RAP1GAP2: variants seen among roughly 807,000 people sequenced by gnomAD.
The protein encoded by RAP1GAP2 is rap1 GTPase-activating protein 2.
A neutral mutation model predicts 95.0 loss-of-function variants in RAP1GAP2; 27 were observed. The ratio of observed to expected loss-of-function variants is 0.28; its 90% CI spans 0.21 to 0.39. The LOEUF (loss-of-function observed/expected upper bound fraction) is 0.39. Ranked by LOEUF, RAP1GAP2 falls within the 10% of genes least tolerant of loss-of-function variation. The pLI is 1.00. For missense variants in RAP1GAP2, 771 were observed against 970.0 expected, an observed-to-expected ratio of 0.79 and a Z score of 2.72; for synonymous variants, 373 against 380.9, an observed-to-expected ratio of 0.98 and a Z score of 0.24.
Position 2,761,246 on chromosome 17 carries a change from A to G in RAP1GAP2, c.50+5479A>G, listed in dbSNP as rs560577262. Among the ~76,000 whole-genome samples the G allele has an allele frequency of 8.5e-5, 11 of 129,772 alleles. No individual in the cohort carries two copies. The South Asian group carries it at 2.8e-3, about 33-fold the overall frequency. 85.1% of individuals were successfully genotyped at this position (129,772 alleles called of 152,430 possible). ...CTGGGATTACAGGAGTGAGCCACTG[A>G]GCCTGGCCGGTGGGGTGCCATTTTC... On this transcript the variant is annotated intron_variant, in intron 1 of 25. Coordinates refer to the RAP1GAP2 transcript ENST00000637138.
upstream of RAP1GAP2, among the ~76,000 whole-genome samples, chr17:2,794,828 C>T (rs2069022864): frequency 6.7e-6 from 1 of 150,300 alleles, no homozygotes; most frequent in African/African-American, 2.4e-5. Flanking sequence ...GAGGGTTGGC[C>T]AGAGAGAGAG....
At position 2,903,220 on chromosome 17, in the gene RAP1GAP2, G is replaced by A. The variant is rs1195015605; in HGVS notation, c.81-2064G>A. 2.0e-5 allele frequency among the ~76,000 whole-genome samples: 3 copies of A among 152,166 alleles called. No individual in the cohort carries two copies. Among genetic ancestry groups the A allele is most frequent in the Non-Finnish European group, 2.9e-5 (2 of 68,036 alleles). On this transcript the variant is annotated intron_variant, in intron 2 of 24. Coordinates refer to ENST00000254695, the MANE Select transcript of RAP1GAP2 (RefSeq NM_015085.5). The surrounding 1 kb of genome is among the most constrained non-coding windows in gnomAD (Gnocchi z 4.1). ...CCATGGGCCCGAAGAGGACCTGAGG[G>A]TGATGCCCTCCTGCTTGATCATTCT...
chr17:2,775,951 G>C (rs1425598119), upstream of RAP1GAP2, among the ~76,000 whole-genome samples: 1 of 152,224 alleles, frequency 6.6e-6, no homozygotes, highest in Non-Finnish European at 1.5e-5. Flanking sequence ...GGCCGAGGCG[G>C]GTGGATCACC....
At chr17:2,905,946 T>C (rs1411678768) in intron 3 of RAP1GAP2, among the ~76,000 whole-genome samples, 1 of 152,232 alleles carries the variant, frequency 6.6e-6, no homozygotes, top group Non-Finnish European at 1.5e-5. Flanking sequence ...GAGGGAGCAG[T>C]GCCCTTCTGC....
rs2042757817 is a variant in RAP1GAP2 at position 2,921,222 on chromosome 17, CA to C, written c.165+15855del. 2.6e-5 allele frequency among the ~76,000 whole-genome samples: 4 copies of C among 151,202 alleles called. No individual in the cohort carries two copies. The South Asian group carries it at 8.3e-4, about 32-fold the overall frequency. ...TATCTTTTTTTTTTCTTTTTTGAGA[CA>C]GAGTCTCACTCTGTCACCCAGGCTG... On this transcript the variant is annotated intron_variant, in intron 3 of 24. Coordinates refer to ENST00000254695, the MANE Select transcript of RAP1GAP2 (RefSeq NM_015085.5).
At chr17:3,006,421 C>A (rs962156445) in intron 16 of RAP1GAP2, among the ~76,000 whole-genome samples, 1 of 150,318 alleles carries the variant, frequency 6.7e-6, no homozygotes, top group African/African-American at 2.5e-5. Context: ...TGAGCCACTG[C>A]GCCTGGCCAA....
intron 2 of RAP1GAP2, among the ~76,000 whole-genome samples, chr17:2,891,724 T>A (rs2073722117): frequency 6.6e-6 from 1 of 151,512 alleles, no homozygotes; most frequent in African/African-American, 2.4e-5. Flanking sequence ...TAATTTTCTT[T>A]GAGAATTTTG....
chr17:2,809,825 G>A (rs986761902), intron 2 of RAP1GAP2, among the ~76,000 whole-genome samples: 2 of 152,194 alleles, frequency 1.3e-5, no homozygotes, highest in East Asian at 1.9e-4. Context: ...TCCAGCCACC[G>A]CGGGAGAGGC....
intron 1 of RAP1GAP2, among the ~76,000 whole-genome samples, chr17:2,786,036 G>A (rs1225595071): frequency 6.6e-6 from 1 of 151,936 alleles, no homozygotes; most frequent in Non-Finnish European, 1.5e-5. Flanking sequence ...TGCGTAGCTG[G>A]GATTACAGGC....
chr17:2,917,896 A>T (rs545351082), intron 3 of RAP1GAP2, among the ~76,000 whole-genome samples: 1 of 151,840 alleles, frequency 6.6e-6, no homozygotes, highest in Admixed American at 6.6e-5. Flanking sequence ...ATGTATTTTT[A>T]GTAGAGATGG....
chr17:2,813,519 G>A (rs867909423), intron 2 of RAP1GAP2, among the ~76,000 whole-genome samples: 6 of 58 alleles, frequency 0.1, 1 homozygote, highest in African/African-American at 0.25. Context: ...CCTGGTGGGC[G>A]TGAGCCCTCT....
At chr17:2,772,847 C>CTT (rs2068422297), upstream of RAP1GAP2, among the ~76,000 whole-genome samples, 3 of 124,714 alleles carry the variant, frequency 2.4e-5, no homozygotes, top group African/African-American at 9.9e-5. Context: ...TTTTCTTTTT[C>CTT]TTTCTTTCTT....
chr17:2,820,891 G>GTTTTTTTTTTTTTTTTTTTTTTTTT lies in RAP1GAP2; in HGVS notation c.80+20341_80+20342insTTTTTTTTTTTTTTTTTTTTTTTTT, dbSNP rs1475267891. On this transcript the variant is annotated intron_variant, in intron 2 of 24. Coordinates refer to ENST00000254695, the MANE Select transcript of RAP1GAP2 (RefSeq NM_015085.5). ...TGCCCGCCACCACGGCCCGGATAAT[G>GTTTTTTTTTTTTTTTTTTTTTTTTT]GTTTTTTTTTTTTTTTTTGTATTTT... is the stretch of plus-strand genomic sequence containing the variant. Among the ~76,000 whole-genome samples, 82 of 113,954 alleles carry GTTTTTTTTTTTTTTTTTTTTTTTTT rather than the reference G, an allele frequency of 7.2e-4. 5 individuals carry two copies. Among genetic ancestry groups the GTTTTTTTTTTTTTTTTTTTTTTTTT allele is most frequent in the Admixed American group, 1.3e-3 (13 of 9,788 alleles). 74.8% of individuals were successfully genotyped at this position (113,954 alleles called of 152,430 possible). A position where few individuals can be genotyped will look rare whatever the true frequency, so the allele number is the denominator to read the frequency against.
In RAP1GAP2 at chr17:2,796,570, TGGTGGGTGACA is replaced by T. The variant is rs1286883018; in HGVS notation, c.44+6_44+16del. The stretch of plus-strand genomic sequence containing the variant: ...CAGTGTCTCCTTTGGGGGCTTCGGA[TGGTGGGTGACA>T]GGTGGGAGGGTGGGGGAATGATGGG... On this transcript the variant is annotated splice_donor_variant and splice_donor_5th_base_variant and coding_sequence_variant and intron_variant, in exon 1 of 25. Transcript: ENST00000254695. LOFTEE classifies it high-confidence loss of function. The surrounding 1 kb of genome is among the most constrained non-coding windows in gnomAD (Gnocchi z 4.7). 1 of 1,562,204 alleles carries T rather than the reference TGGTGGGTGACA, an allele frequency of 6.4e-7. No individual in the cohort carries two copies. The highest frequency in any genetic ancestry group is 8.7e-7 in the Non-Finnish European group (1 of 1,153,150).
chr17:2,918,465 C>G (rs573054897), intron 3 of RAP1GAP2, among the ~76,000 whole-genome samples: 1 of 147,198 alleles, frequency 6.8e-6, no homozygotes, highest in African/African-American at 2.5e-5. Flanking sequence ...AAAGGTTTAA[C>G]TGGCTCACAG....
At chr17:2,878,111 C>G (rs953705829) in intron 2 of RAP1GAP2, among the ~76,000 whole-genome samples, 1 of 152,092 alleles carries the variant, frequency 6.6e-6, no homozygotes, top group Non-Finnish European at 1.5e-5. Context: ...AAAGGTGGGT[C>G]TGGGCTGGGT....
chr17:2,976,372 A>G (rs1345891853), intron 8 of RAP1GAP2, among the ~76,000 whole-genome samples: 1 of 152,228 alleles, frequency 6.6e-6, no homozygotes, highest in Non-Finnish European at 1.5e-5. Context: ...GTGTTCCTTG[A>G]ATATAAGACA....
chr17:2,988,375 A>G (rs1567861445), intron 11 of RAP1GAP2, among the ~76,000 whole-genome samples: 1 of 152,194 alleles, frequency 6.6e-6, no homozygotes, highest in Non-Finnish European at 1.5e-5. Context: ...TGTGGACATC[A>G]ATCTCCCAGC....
rs568788921 is a variant in RAP1GAP2, at chr17:2,925,540, C to A, written c.165+20172C>A. On this transcript the variant is annotated intron_variant, in intron 3 of 24. Coordinates refer to ENST00000254695, the MANE Select transcript of RAP1GAP2 (RefSeq NM_015085.5). ...GGGAAAACCGCTCCCTCGCTCCACT[C>A]GTGGGGATTACAGTTCGAGATGAGA... Among the ~76,000 whole-genome samples, 119 of 152,274 alleles carry A rather than the reference C, an allele frequency of 7.8e-4. 1 individual carries two copies. Among genetic ancestry groups the A allele is most frequent in the Non-Finnish European group, 1.1e-3 (76 of 68,028 alleles).
Sources: allele counts gnomAD v4.1 joint callset (sites outside exome capture counted in the v4.1 genomes callset), GRCh38; gene constraint gnomAD v4.1.1; non-coding constraint Gnocchi (gnomAD v3.1); transcripts MANE v1.5; gene names NCBI Gene and HGNC (gene_info 2026-07-23, HGNC 2026-07-21).